Variants in PCBP3 observed in about 807,000 individuals in gnomAD.
PCBP3 encodes the protein poly(rC) binding protein 3, also known as poly(rC)-binding protein 3.
A neutral mutation model predicts 52.7 loss-of-function variants in PCBP3; 25 were observed. That is an observed-to-expected ratio of 0.47 (90% CI 0.35 to 0.66). The LOEUF is 0.66. PCBP3 is among the 30% of genes least tolerant of loss of function. PCBP3 has a pLI of 0.01. For synonymous variants in PCBP3, 162 were observed against 183.0 expected, an observed-to-expected ratio of 0.89 and a Z score of 0.93; for missense variants, 391 against 490.3, an observed-to-expected ratio of 0.80 and a Z score of 1.91.
rs2093332333 is a variant in PCBP3 at position 45,827,254 on chromosome 21, G to T, written c.-125-22707G>T. ...CCTAGATGCCTCTTCTAACCTGGCG[G>T]CAATGAGGCAGCACACCTCTGCCCC... On this transcript the variant is annotated intron_variant, in intron 4 of 17. Coordinates refer to ENST00000681687, the MANE Select transcript of PCBP3 (RefSeq NM_001384156.1). This position sits in a 1 kb window ranked among gnomAD's most constrained non-coding sequence, Gnocchi z 4.3. 6.6e-6 allele frequency among the ~76,000 whole-genome samples: 1 copy of T among 152,156 alleles called. No individual in the cohort carries two copies. The highest frequency in any genetic ancestry group is 6.5e-5 in the Admixed American group (1 of 15,278).
At chr21:45,839,054 A>G (rs1263592247) in intron 4 of PCBP3, among the ~76,000 whole-genome samples, 5 of 152,182 alleles carry the variant, frequency 3.3e-5, no homozygotes, top group Non-Finnish European at 7.3e-5. Flanking sequence ...GTGTGCATAC[A>G]TGAATTCTTC....
Position 45,929,917 on chromosome 21 carries a change from C to A in PCBP3, c.718C>A (p.Gln240Lys). Reference protein sequence around the residue: ...QGQYAIPHPDQLTKLHQLAMQ... With the variant: ...QGQYAIPHPDKLTKLHQLAMQ... ...AGCTCTCGTGTCCCTCCTACCCCAG[C>A]AGTTGACCAAGCTCCACCAGTTGGC... Residue 240 changes from glutamine (Q) to lysine (K), a missense_variant and splice_region_variant, in exon 14 of 18, where the codon CAG becomes AAG. By Grantham distance (53) the Gln-to-Lys change is moderately conservative. Transcript: ENST00000681687. The A allele has an allele frequency of 6.2e-7, 1 of 1,612,842 alleles. No individual in the cohort carries two copies. Among genetic ancestry groups the A allele is most frequent in the Non-Finnish European group, 8.5e-7 (1 of 1,179,012 alleles).
intron 4 of PCBP3, among the ~76,000 whole-genome samples, chr21:45,790,115 G>C (rs890802310): frequency 2.6e-5 from 4 of 152,146 alleles, no homozygotes; most frequent in African/African-American, 9.7e-5. Flanking sequence ...ACTCCAGCTT[G>C]GGCGACTGAG....
intron 9 of PCBP3, among the ~76,000 whole-genome samples, chr21:45,908,035 A>C (rs2096251471): frequency 6.6e-6 from 1 of 152,208 alleles, no homozygotes; most frequent in Non-Finnish European, 1.5e-5. Context: ...CAATCAAAAA[A>C]TGCTGCCCAT....
At chr21:45,925,515 G>T (rs901975260) in intron 13 of PCBP3, among the ~76,000 whole-genome samples, 40 of 152,164 alleles carry the variant, frequency 2.6e-4, no homozygotes, top group Non-Finnish European at 5.6e-4. Flanking sequence ...AGCAAAGGCT[G>T]CCAGACTATA....
intron 1 of PCBP3, among the ~76,000 whole-genome samples, chr21:45,659,034 CTT>C (rs1266797367): frequency 6.6e-6 from 1 of 150,638 alleles, no homozygotes; most frequent in African/African-American, 2.4e-5. Context: ...AGTCTTCCCT[CTT>C]TTTTTCTTGG....
intron 11 of PCBP3, 75 bp from the exon 12 acceptor site, chr21:45,913,876 C>T (rs998720133): frequency 2.8e-5 from 38 of 1,360,502 alleles, no homozygotes; most frequent in Middle Eastern, 4.1e-4. Context: ...TGGGGTGGGC[C>T]GGGGCACGCC....
intron 4 of PCBP3, among the ~76,000 whole-genome samples, chr21:45,797,777 A>ACTGC (rs1603430999): frequency 2.8e-3 from 13 of 4,686 alleles, no homozygotes; most frequent in Non-Finnish European, 3.5e-3. Context: ...CATGTGGATG[A>ACTGC]ATGCATGGAT....
At chr21:45,935,422 C>A in intron 16 of PCBP3, 117 bp downstream of exon 16, 2 of 740,144 alleles carry the variant, frequency 2.7e-6, no homozygotes, top group Non-Finnish European at 2.4e-6. Flanking sequence ...CTTCACCACC[C>A]CAACCCCACT....
At chr21:45,888,430 G>C (rs1449866282) in intron 5 of PCBP3, among the ~76,000 whole-genome samples, 2 of 152,240 alleles carry the variant, frequency 1.3e-5, no homozygotes, top group Admixed American at 1.3e-4. Context: ...GGCTAGAGCA[G>C]CTCACCCTGC....
At chr21:45,696,536 T>C (rs1454795836) in intron 2 of PCBP3, among the ~76,000 whole-genome samples, 2 of 152,134 alleles carry the variant, frequency 1.3e-5, no homozygotes, top group African/African-American at 4.8e-5. Context: ...TTCATGCCTG[T>C]AATCCCAGCA....
intron 1 of PCBP3, among the ~76,000 whole-genome samples, chr21:45,664,020 CT>C (rs35607838): frequency 5.9e-4 from 78 of 132,674 alleles, no homozygotes; most frequent in African/African-American, 1.7e-3. Flanking sequence ...CTTTTTTTTT[CT>C]TTTTTTTTTT....
rs2085834561 is a variant in PCBP3 at position 45,735,888 on chromosome 21, A to G, written c.-162+459A>G. Among the ~76,000 whole-genome samples, 1 of 152,212 alleles carries G rather than the reference A, an allele frequency of 6.6e-6. No individual in the cohort carries two copies. The highest frequency in any genetic ancestry group is 2.4e-5 in the African/African-American group (1 of 41,454). On this transcript the variant is annotated intron_variant, in intron 3 of 17. Coordinates refer to ENST00000681687, the MANE Select transcript of PCBP3 (RefSeq NM_001384156.1). This position sits in a 1 kb window ranked among gnomAD's most constrained non-coding sequence, Gnocchi z 4.0. ...ATGGCACCACAATGTCTGAAGCCAC[A>G]CAGTGCATGGGTGACATCTGTGGAA...
At chr21:45,871,126 C>T (rs7278331) in intron 5 of PCBP3, 1 of 177,658 alleles carries the variant, frequency 5.6e-6, no homozygotes, top group African/African-American at 2.7e-5. Context: ...CAGGGAAGGC[C>T]GTGCAGCCCA....
chr21:45,849,795 C>T (rs1232005081), intron 4 of PCBP3, among the ~76,000 whole-genome samples, 166 bp from the exon 5 acceptor site: 2 of 152,124 alleles, frequency 1.3e-5, no homozygotes, highest in African/African-American at 2.4e-5. Context: ...CAGGGGGGAG[C>T]GCTTGCTGGC....
At chr21:45,794,358 G>A (rs1463911548) in intron 4 of PCBP3, among the ~76,000 whole-genome samples, 1 of 152,148 alleles carries the variant, frequency 6.6e-6, no homozygotes, top group East Asian at 1.9e-4. Context: ...TGGGGCTATA[G>A]CAAGCCAAGA....
At chr21:45,675,274 T>C (rs1057337774) in intron 2 of PCBP3, among the ~76,000 whole-genome samples, 2 of 152,322 alleles carry the variant, frequency 1.3e-5, no homozygotes, top group South Asian at 2.1e-4. Flanking sequence ...CTTGGGCAGC[T>C]GAGGCTGAGG....
intron 4 of PCBP3, among the ~76,000 whole-genome samples, chr21:45,814,483 TGAG>T (rs778345267): frequency 3.9e-4 from 27 of 69,738 alleles, no homozygotes; most frequent in Non-Finnish European, 5.9e-4. Context: ...GAGTGAGTGA[TGAG>T]TGGTGAGTGA....
At chr21:45,832,419 A>G (rs1421741358) in intron 4 of PCBP3, among the ~76,000 whole-genome samples, 1 of 152,166 alleles carries the variant, frequency 6.6e-6, no homozygotes, top group African/African-American at 2.4e-5. Flanking sequence ...CCATCTGGGA[A>G]TGCAGCCCAA....
Sources: allele counts gnomAD v4.1 joint callset (sites outside exome capture counted in the v4.1 genomes callset), GRCh38; gene constraint gnomAD v4.1.1; non-coding constraint Gnocchi (gnomAD v3.1); transcripts MANE v1.5; gene names NCBI Gene and HGNC (gene_info 2026-07-23, HGNC 2026-07-21).